EXT1: variants seen among roughly 807,000 people sequenced by gnomAD.
The protein encoded by EXT1 is exostosin glycosyltransferase 1.
A neutral mutation model predicts 82.5 loss-of-function variants in EXT1; 20 were observed. That is an observed-to-expected ratio of 0.24 (90% CI 0.17 to 0.35). EXT1 has a LOEUF of 0.35. EXT1 is among the 10% of genes least tolerant of loss of function. EXT1 has a pLI of 1.00. For synonymous variants in EXT1, 348 were observed against 350.8 expected (o/e 0.99, Z 0.09); for missense variants, 757 against 936.5 (o/e 0.81, Z 2.50).
chr8:117,798,231 T>C lies in EXT1; in HGVS notation c.*1481A>G, dbSNP rs1823112659. 1 of 152,172 alleles carries C rather than the reference T, an allele frequency of 6.6e-6. No individual in the cohort carries two copies. Among genetic ancestry groups the C allele is most frequent in the Non-Finnish European group, 1.5e-5 (1 of 68,016 alleles). 9.4% of individuals were successfully genotyped at this position (152,172 alleles called of 1,614,324 possible). A position where few individuals can be genotyped will look rare whatever the true frequency, so the allele number is the denominator to read the frequency against. On this transcript the variant is annotated 3_prime_UTR_variant, in exon 11 of 11. Coordinates refer to ENST00000378204, the MANE Select transcript of EXT1 (RefSeq NM_000127.3). ...ACTGAAAATAAATGGAAAAGAAATA[T>C]GAAATGTATGAGAGTTTGAGGGAGG...
intron 1 of EXT1, among the ~76,000 whole-genome samples, chr8:118,099,395 C>T (rs1205563122): frequency 6.6e-6 from 1 of 152,226 alleles, no homozygotes; most frequent in Non-Finnish European, 1.5e-5. Flanking sequence ...TGCTTCTAAT[C>T]TACTGCAGGC....
At chr8:118,031,712 A>G (rs1043024326) in intron 1 of EXT1, among the ~76,000 whole-genome samples, 3 of 151,904 alleles carry the variant, frequency 2.0e-5, no homozygotes, top group African/African-American at 7.3e-5. Flanking sequence ...GAAGTAAACA[A>G]GGGCTTATTT....
chr8:118,052,936 C>T (rs544147889), intron 1 of EXT1, among the ~76,000 whole-genome samples: 1 of 152,122 alleles, frequency 6.6e-6, no homozygotes, highest in Non-Finnish European at 1.5e-5. Context: ...TAGACTGTTG[C>T]AGTGTTGGGG....
chr8:117,981,626 T>C (rs1448285650), intron 1 of EXT1, among the ~76,000 whole-genome samples: 1 of 152,002 alleles, frequency 6.6e-6, no homozygotes, highest in African/African-American at 2.4e-5. Flanking sequence ...CCCTCCCTCT[T>C]TGGGAGGCCA....
At chr8:118,027,354 C>CAA in intron 1 of EXT1, among the ~76,000 whole-genome samples, 1 of 137,368 alleles carries the variant, frequency 7.3e-6, no homozygotes, top group South Asian at 2.4e-4. Context: ...CACACACACA[C>CAA]AATCGCATTT....
chr8:117,794,723 C>T lies in EXT1; in HGVS notation c.*4989G>A, dbSNP rs974721500. On this transcript the variant is annotated 3_prime_UTR_variant, in exon 11 of 11. Transcript: ENST00000378204. ...ACGCTAAGTCATTAATACTCTATAA[C>T]AAATGGGAAAAACACTTCAGAAAAG... 2.6e-5 allele frequency: 4 copies of T among 152,104 alleles called. No homozygotes were observed. Among genetic ancestry groups the T allele is most frequent in the Admixed American group, 6.6e-5 (1 of 15,266 alleles). The allele number at this position is 152,104 out of a possible 1,614,324, so 9.4% of individuals were successfully genotyped here.
intron 1 of EXT1, among the ~76,000 whole-genome samples, chr8:117,995,385 C>A (rs1241142388): frequency 6.6e-6 from 1 of 152,192 alleles, no homozygotes; most frequent in Admixed American, 6.5e-5. Context: ...TGATAGGCAA[C>A]TTGTCTGTAA....
At chr8:118,060,515 G>A (rs997301380) in intron 1 of EXT1, among the ~76,000 whole-genome samples, 4 of 152,084 alleles carry the variant, frequency 2.6e-5, no homozygotes, top group Non-Finnish European at 5.9e-5. Context: ...TAACTAAGAT[G>A]GCAACCACCA....
rs1010423483 is a variant in EXT1, at chr8:118,111,816, C to G, written c.-770G>C. On this transcript the variant is annotated 5_prime_UTR_variant, in exon 1 of 11. Transcript: ENST00000378204. The stretch of plus-strand genomic sequence containing the variant: ...AACGCTGCCGACCGCCGCGTTCGGT[C>G]GCCGAATGTTACCCGGTTCTGAATG... 1 of 149,338 alleles carries G rather than the reference C, an allele frequency of 6.7e-6. No individual in the cohort carries two copies. Among genetic ancestry groups the G allele is most frequent in the Non-Finnish European group, 1.5e-5 (1 of 67,008 alleles). The allele number at this position is 149,338 out of a possible 1,614,324, so 9.3% of individuals were successfully genotyped here.
intron 1 of EXT1, among the ~76,000 whole-genome samples, chr8:118,034,711 G>C (rs1304553074): frequency 6.6e-6 from 1 of 152,192 alleles, no homozygotes; most frequent in Non-Finnish European, 1.5e-5. Context: ...AGTCTAGGCT[G>C]CTGTGACATT....
intron 1 of EXT1, among the ~76,000 whole-genome samples, chr8:118,069,561 G>A (rs1185573560): frequency 1.3e-5 from 2 of 152,094 alleles, no homozygotes; most frequent in African/African-American, 2.4e-5. Context: ...ATGTTTGGAA[G>A]GACTACAGAT....
chr8:118,053,202 A>G (rs1028005956), intron 1 of EXT1, among the ~76,000 whole-genome samples: 1 of 152,116 alleles, frequency 6.6e-6, no homozygotes, highest in Non-Finnish European at 1.5e-5. Context: ...CGAGGTCTCA[A>G]GTGTCACTGA....
chr8:117,980,721 T>G lies in EXT1; in HGVS notation c.962+129364A>C, dbSNP rs1019661089. Among the ~76,000 whole-genome samples, 13 of 123,188 alleles carry G rather than the reference T, an allele frequency of 1.1e-4. 1 individual carries two copies. The highest frequency in any genetic ancestry group is 1.7e-4 in the Admixed American group (2 of 11,752). 80.8% of individuals were successfully genotyped at this position (123,188 alleles called of 152,430 possible). ...TGGTTTTTTTTTTTTTTTTTTTTTT[T>G]TTTTTTTTTTCCAGTGTGAGTTCTT... On this transcript the variant is annotated intron_variant, in intron 1 of 10. Transcript: ENST00000378204.
intron 3 of EXT1, chr8:117,831,592 T>C (rs937335086): frequency 4.2e-6 from 2 of 471,062 alleles, no homozygotes; most frequent in African/African-American, 2.0e-5. Context: ...TGCCCTTTTG[T>C]GCTCACCTCT....
intron 1 of EXT1, among the ~76,000 whole-genome samples, chr8:118,074,396 A>C (rs1479305912): frequency 6.6e-6 from 1 of 152,168 alleles, no homozygotes. Context: ...GTTGCAGGGA[A>C]GCTATTGTGC....
At chr8:118,006,550 A>C (rs1305421351) in intron 1 of EXT1, among the ~76,000 whole-genome samples, 1 of 152,194 alleles carries the variant, frequency 6.6e-6, no homozygotes, top group East Asian at 1.9e-4. Flanking sequence ...CAAAAATCGT[A>C]ACAATAATGG....
intron 1 of EXT1, among the ~76,000 whole-genome samples, chr8:118,076,140 T>G (rs952143891): frequency 1.3e-5 from 2 of 152,176 alleles, no homozygotes; most frequent in Non-Finnish European, 2.9e-5. Flanking sequence ...AGAAAATTTG[T>G]AAGTTGCTTT....
intron 1 of EXT1, among the ~76,000 whole-genome samples, chr8:118,013,270 G>A (rs939145158): frequency 4.6e-5 from 7 of 152,002 alleles, no homozygotes; most frequent in Non-Finnish European, 7.4e-5. Context: ...GTGCAGTGGC[G>A]CAATCTTAGC....
At chr8:118,063,095 CTTGAG>C (rs1284153433) in intron 1 of EXT1, among the ~76,000 whole-genome samples, 1 of 151,282 alleles carries the variant, frequency 6.6e-6, no homozygotes, top group Non-Finnish European at 1.5e-5. Flanking sequence ...TTTTTTTTAA[CTTGAG>C]TTACTTTTAA....
Sources: gnomAD v4.1 joint callset for allele counts (sites outside exome capture counted in the v4.1 genomes callset) on GRCh38, gnomAD v4.1.1 for gene constraint, MANE v1.5 for transcripts, NCBI Gene and HGNC (gene_info 2026-07-23, HGNC 2026-07-21) for gene names.